Variants in ALPK2 observed in about 807,000 individuals in gnomAD.
ALPK2 encodes the protein alpha kinase 2.
In ALPK2, 127 loss-of-function variants were observed where a neutral mutation model predicts 163.1. The ratio of observed to expected loss-of-function variants is 0.78; its 90% confidence interval spans 0.67 to 0.90. ALPK2 has a LOEUF of 0.90. Among genes scored for constraint, ALPK2 ranks in the 40% least tolerant of loss-of-function variants. The pLI is 0.00. For synonymous variants in ALPK2, 953 were observed against 959.1 expected, an observed-to-expected ratio of 0.99 and a Z score of 0.12; for missense variants, 2,360 against 2,589.6, an observed-to-expected ratio of 0.91 and a Z score of 1.92.
At chr18:58,578,338 A>C (rs1021341219) in intron 4 of ALPK2, 2 of 153,388 alleles carry the variant, frequency 1.3e-5, no homozygotes, top group African/African-American at 4.8e-5. Context: ...TTCATACCAC[A>C]AATTCTGATT....
chr18:58,549,579 G>C (rs2051738989), intron 4 of ALPK2, among the ~76,000 whole-genome samples: 1 of 152,208 alleles, frequency 6.6e-6, no homozygotes, highest in Admixed American at 6.5e-5. Flanking sequence ...GCATATGGTG[G>C]CTTGAAAATT....
intron 8 of ALPK2, among the ~76,000 whole-genome samples, chr18:58,519,205 T>G (rs978402925): frequency 6.6e-6 from 1 of 152,224 alleles, no homozygotes; most frequent in African/African-American, 2.4e-5. Flanking sequence ...AATTAATTGA[T>G]GGAGAAAAGC....
At chr18:58,497,947 G>T in intron 12 of ALPK2, 102 bp downstream of exon 12, 1 of 1,007,862 alleles carries the variant, frequency 9.9e-7, no homozygotes, top group Non-Finnish European at 1.6e-6. Context: ...CCACAGTTAG[G>T]ACAAGAAATT....
chr18:58,583,978 G>A lies in ALPK2; in HGVS notation c.228-3430C>T, dbSNP rs530162337. 3.7e-4 allele frequency among the ~76,000 whole-genome samples: 57 copies of A among 152,300 alleles called. 1 individual carries two copies. Among genetic ancestry groups the A allele is most frequent in the South Asian group, 1.7e-3 (8 of 4,820 alleles). Reference sequence around the variant, plus strand: ...GTAAAGCAGTAAGAAATCAGGAGAGGTGGGGAGCAGAGATGATTCTCAAGA... The same window carrying A: ...GTAAAGCAGTAAGAAATCAGGAGAGATGGGGAGCAGAGATGATTCTCAAGA... On this transcript the variant is annotated intron_variant, in intron 3 of 12. Transcript: ENST00000361673.
intron 12 of ALPK2, among the ~76,000 whole-genome samples, chr18:58,495,655 A>G (rs906537976): frequency 2.0e-5 from 3 of 152,180 alleles, no homozygotes; most frequent in African/African-American, 4.8e-5. Context: ...CTTCTTGGGC[A>G]GGTTTCTTCT....
rs185957843 is a variant in ALPK2 at position 58,532,775 on chromosome 18, G to A, written c.5353+2059C>T. 1.4e-4 allele frequency among the ~76,000 whole-genome samples: 22 copies of A among 152,304 alleles called. No homozygotes were observed. In the East Asian group the frequency reaches 4.2e-3, roughly 29 times the overall value. On this transcript the variant is annotated intron_variant, in intron 5 of 12. Transcript: ENST00000361673. ...CTTTGCATTTTTATACCTGAGAGGA[G>A]TCTTATCATTAGCACCCCCATTTTA...
chr18:58,574,363 C>G (rs750534745), intron 4 of ALPK2, among the ~76,000 whole-genome samples: 1 of 148,740 alleles, frequency 6.7e-6, no homozygotes. Context: ...GCAGGAGAAC[C>G]GCTTGAACCC....
At chr18:58,547,503 T>C (rs1441851854) in intron 4 of ALPK2, among the ~76,000 whole-genome samples, 2 of 152,194 alleles carry the variant, frequency 1.3e-5, no homozygotes, top group Non-Finnish European at 2.9e-5. Context: ...TAGACTGCAC[T>C]GTGTTGGCGT....
chr18:58,490,602 G>A (rs1314466549), intron 12 of ALPK2, among the ~76,000 whole-genome samples: 1 of 151,256 alleles, frequency 6.6e-6, no homozygotes, highest in East Asian at 1.9e-4. Context: ...CTGGCTCTAT[G>A]TTCCCTCATA....
At chr18:58,555,239 A>G (rs1405764701) in intron 4 of ALPK2, among the ~76,000 whole-genome samples, 1 of 145,770 alleles carries the variant, frequency 6.9e-6, no homozygotes, top group African/African-American at 2.4e-5. Context: ...CTTAACAATT[A>G]GATTCATTCC....
intron 8 of ALPK2, 101 bp from the exon 9 acceptor site, chr18:58,517,283 C>G: frequency 1.6e-5 from 20 of 1,273,542 alleles, no homozygotes; most frequent in Middle Eastern, 3.8e-4. Context: ...AATGACAAGG[C>G]TGACCTGCAG....
At chr18:58,611,903 G>A (rs1163296137) in intron 1 of ALPK2, 86 bp from the exon 2 acceptor site, 18 of 824,740 alleles carry the variant, frequency 2.2e-5, no homozygotes, top group Non-Finnish European at 3.0e-5. Flanking sequence ...ACAGGGTGCC[G>A]CCCTGGCAGC....
chr18:58,573,124 T>G (rs761865478), intron 4 of ALPK2, among the ~76,000 whole-genome samples: 3 of 151,762 alleles, frequency 2.0e-5, no homozygotes, highest in Non-Finnish European at 4.4e-5. Flanking sequence ...TTATACTTAG[T>G]GTATTCTGTT....
At chr18:58,563,107 G>A (rs1364078286) in intron 4 of ALPK2, among the ~76,000 whole-genome samples, 1 of 152,150 alleles carries the variant, frequency 6.6e-6, no homozygotes, top group Non-Finnish European at 1.5e-5. Context: ...TACCATATAT[G>A]GTCCTAGAAA....
rs1568087065 is a variant in ALPK2, at chr18:58,565,774, T to TTC, written c.1962+13039_1962+13040insGA. ...TCCTTCCTTCCTTCCTTCCTTCCTT[T>TTC]CTTTCTTTCTTTCTTCCTTTCTTCC... On this transcript the variant is annotated intron_variant, in intron 4 of 12. Coordinates refer to ENST00000361673, the MANE Select transcript of ALPK2 (RefSeq NM_052947.4). 1.3e-3 allele frequency among the ~76,000 whole-genome samples: 143 copies of TTC among 113,620 alleles called. 1 individual carries two copies. Among genetic ancestry groups the TTC allele is most frequent in the Middle Eastern group, 5.0e-3 (1 of 200 alleles). 74.5% of individuals were successfully genotyped at this position (113,620 alleles called of 152,430 possible).
At chr18:58,570,350 A>T (rs1374612295) in intron 4 of ALPK2, among the ~76,000 whole-genome samples, 3 of 152,236 alleles carry the variant, frequency 2.0e-5, no homozygotes, top group African/African-American at 4.8e-5. Flanking sequence ...TGCCCTAAAA[A>T]CATTTACTAG....
At chr18:58,499,408 C>T (rs1209227276) in intron 11 of ALPK2, among the ~76,000 whole-genome samples, 4 of 152,160 alleles carry the variant, frequency 2.6e-5, no homozygotes, top group African/African-American at 9.7e-5. Flanking sequence ...AAGAGCCACC[C>T]TCTCTCACTC....
At chr18:58,591,150 C>T (rs2052012926) in intron 3 of ALPK2, among the ~76,000 whole-genome samples, 1 of 152,214 alleles carries the variant, frequency 6.6e-6, no homozygotes, top group Non-Finnish European at 1.5e-5. Context: ...GAGATAGTGG[C>T]TCTGAGTGAC....
intron 3 of ALPK2, among the ~76,000 whole-genome samples, chr18:58,582,622 T>G (rs1243687036): frequency 6.6e-6 from 1 of 151,236 alleles, no homozygotes; most frequent in Non-Finnish European, 1.5e-5. Flanking sequence ...CAAATATGAG[T>G]GACCATGGCT....
Sources: gnomAD v4.1 joint callset for allele counts (sites outside exome capture counted in the v4.1 genomes callset) on GRCh38, gnomAD v4.1.1 for gene constraint, MANE v1.5 for transcripts, NCBI Gene and HGNC (gene_info 2026-07-23, HGNC 2026-07-21) for gene names.